Variants in OPCML observed in about 807,000 individuals in gnomAD.
OPCML encodes opioid-binding protein/cell adhesion molecule.
In OPCML, 13 loss-of-function variants were observed where a neutral mutation model predicts 37.8. The ratio of observed to expected loss-of-function variants is 0.34; its 90% CI spans 0.22 to 0.55. OPCML has a LOEUF of 0.55. OPCML is among the 20% of genes least tolerant of loss of function. The probability of loss-of-function intolerance (pLI) is 0.91; values close to 1 mark genes in which losing one functional copy is unlikely to be tolerated. For synonymous variants in OPCML, 176 were observed against 168.8 expected, an observed-to-expected ratio of 1.04 and a Z score of -0.33; for missense variants, 341 against 435.6, an observed-to-expected ratio of 0.78 and a Z score of 1.93.
intron 1 of OPCML, among the ~76,000 whole-genome samples, chr11:133,180,583 G>A (rs1241634820): frequency 6.6e-6 from 1 of 152,160 alleles, no homozygotes; most frequent in African/African-American, 2.4e-5. Flanking sequence ...TTGAAGAAGG[G>A]AAATGAGAGG....
chr11:133,097,063 T>C (rs1359761426), intron 1 of OPCML, among the ~76,000 whole-genome samples: 1 of 152,222 alleles, frequency 6.6e-6, no homozygotes. Context: ...AATTGAAATC[T>C]ATAGACTACT....
chr11:133,148,627 G>A (rs925633190), intron 1 of OPCML, among the ~76,000 whole-genome samples: 7 of 152,022 alleles, frequency 4.6e-5, no homozygotes, highest in African/African-American at 1.7e-4. Context: ...GCCCTGCAGG[G>A]GGCGAAGAAC....
chr11:132,981,482 C>G (rs961719742), intron 1 of OPCML, among the ~76,000 whole-genome samples: 2 of 152,096 alleles, frequency 1.3e-5, no homozygotes, highest in Non-Finnish European at 2.9e-5. Flanking sequence ...ATAACGGGCA[C>G]TGGCGGGAAA....
chr11:132,949,974 T>G (rs1945823637), intron 1 of OPCML, among the ~76,000 whole-genome samples: 1 of 152,166 alleles, frequency 6.6e-6, no homozygotes, highest in South Asian at 2.1e-4. Flanking sequence ...GCATTTGACC[T>G]GAGTCCTGAC....
At chr11:133,240,669 A>T (rs1189824594) in intron 1 of OPCML, among the ~76,000 whole-genome samples, 1 of 152,222 alleles carries the variant, frequency 6.6e-6, no homozygotes, top group African/African-American at 2.4e-5. Flanking sequence ...TTACTTCTAT[A>T]GAGATTACTC....
chr11:133,224,375 T>A (rs976640936), intron 1 of OPCML, among the ~76,000 whole-genome samples: 5 of 152,238 alleles, frequency 3.3e-5, no homozygotes, highest in Admixed American at 2.0e-4. Context: ...ATGGGTTCAC[T>A]GCAGCTCCGT....
At chr11:132,563,919 CA>C in intron 3 of OPCML, among the ~76,000 whole-genome samples, 1 of 152,178 alleles carries the variant, frequency 6.6e-6, no homozygotes, top group East Asian at 1.9e-4. Context: ...GATTTTGCCC[CA>C]AAATGCTGTT....
chr11:132,554,992 C>T (rs1299155314), intron 3 of OPCML, among the ~76,000 whole-genome samples: 1 of 142,360 alleles, frequency 7.0e-6, no homozygotes, highest in African/African-American at 2.6e-5. Flanking sequence ...CCTAAAAAGT[C>T]CTTAGGATGC....
intron 2 of OPCML, among the ~76,000 whole-genome samples, chr11:132,823,363 C>T (rs1473417982): frequency 2.0e-5 from 3 of 152,166 alleles, no homozygotes; most frequent in African/African-American, 7.2e-5. Context: ...CGCACCTGTC[C>T]TCACACCCCT....
At position 132,770,808 on chromosome 11, in the gene OPCML, T is replaced by A. The variant is rs536290338; in HGVS notation, c.147-113489A>T. Among the ~76,000 whole-genome samples, 3 of 151,982 alleles carry A rather than the reference T, an allele frequency of 2.0e-5. No homozygotes were observed. The South Asian group carries it at 6.2e-4, about 32-fold the overall frequency. On this transcript the variant is annotated intron_variant, in intron 2 of 7. Transcript: ENST00000524381. ...TGGCAAAAATTAGGGCAAGAAAGAA[T>A]TGGAGAAGGGGGGACTCAGGGGGCC...
At chr11:133,054,982 G>A (rs991158153) in intron 1 of OPCML, among the ~76,000 whole-genome samples, 6 of 123,946 alleles carry the variant, frequency 4.8e-5, no homozygotes, top group East Asian at 2.4e-4. Flanking sequence ...CACCTCTATC[G>A]TACAATGCTG....
At chr11:133,006,351 G>T (rs1947112251) in intron 1 of OPCML, 1 of 732,486 alleles carries the variant, frequency 1.4e-6, no homozygotes, top group Non-Finnish European at 1.7e-6. Flanking sequence ...TACTACCATT[G>T]AAATGGTCTG....
chr11:133,017,675 C>T (rs966558454), intron 1 of OPCML, among the ~76,000 whole-genome samples: 8 of 152,198 alleles, frequency 5.3e-5, no homozygotes, highest in African/African-American at 1.9e-4. Flanking sequence ...AGGCATGAGC[C>T]ACTGCGCCTG....
intron 3 of OPCML, among the ~76,000 whole-genome samples, chr11:132,560,183 G>T (rs1045518197): frequency 2.0e-5 from 3 of 152,056 alleles, no homozygotes; most frequent in African/African-American, 7.2e-5. Flanking sequence ...TCTCTACCAT[G>T]ACTTGGGGTC....
Position 132,782,563 on chromosome 11 carries a change from CT to C in OPCML, c.147-125245del, listed in dbSNP as rs1358223201. ...TGAGTATGGTTCTGGCTTCTCTATT[CT>C]TTTTTGGTCCCGCTTTTTGGCTACT... On this transcript the variant is annotated intron_variant, in intron 2 of 7. Transcript: ENST00000524381. Among the ~76,000 whole-genome samples the C allele has an allele frequency of 4.6e-5, 7 of 152,120 alleles. No homozygotes were observed. In the East Asian group the frequency reaches 9.6e-4, roughly 21 times the overall value.
chr11:133,466,719 AATG>A lies in OPCML; in HGVS notation c.61+65542_61+65544del, dbSNP rs1465889337. ...ATTAATGTAAATTTAGATAAATTTC[AATG>A]ATAATATACTAATACTTCGGATTTA... On this transcript the variant is annotated intron_variant, in intron 1 of 7. Coordinates refer to ENST00000524381, the MANE Select transcript of OPCML (RefSeq NM_001012393.5). Among the ~76,000 whole-genome samples the A allele has an allele frequency of 2.6e-5, 4 of 152,338 alleles. No individual in the cohort carries two copies. The South Asian group carries it at 6.2e-4, about 24-fold the overall frequency.
At chr11:133,025,602 T>A (rs1947538804) in intron 1 of OPCML, 2 of 422,574 alleles carry the variant, frequency 4.7e-6, no homozygotes, top group Non-Finnish European at 3.2e-6. Context: ...CATTCTTTTT[T>A]AATCAACATG....
rs200197063 is a variant in OPCML at position 133,516,628 on chromosome 11, C to A, written c.61+15636G>T. On this transcript the variant is annotated intron_variant, in intron 1 of 7. Coordinates refer to ENST00000524381, the MANE Select transcript of OPCML (RefSeq NM_001012393.5). ...CCTCAGGGGCAAGGGTGCTTTCCAG[C>A]CTAAACCAGGAAAGCTAAGGCCTCA... 3.9e-4 allele frequency among the ~76,000 whole-genome samples: 59 copies of A among 152,254 alleles called. 1 individual carries two copies. In the East Asian group the frequency reaches 0.011, roughly 28 times the overall value.
At chr11:133,050,835 T>G (rs188880622) in intron 1 of OPCML, among the ~76,000 whole-genome samples, 1 of 152,050 alleles carries the variant, frequency 6.6e-6, no homozygotes, top group Admixed American at 6.6e-5. Flanking sequence ...ATTGGGGAAA[T>G]ATTAATGCTC....
Sources: allele counts gnomAD v4.1 joint callset (sites outside exome capture counted in the v4.1 genomes callset), GRCh38; gene constraint gnomAD v4.1.1; transcripts MANE v1.5; gene names NCBI Gene and HGNC (gene_info 2026-07-23, HGNC 2026-07-21).